The following DIAPH3 variants were observed in gnomAD, a reference collection of about 807,000 sequenced individuals.
DIAPH3 encodes the protein diaphanous related formin 3, also known as protein diaphanous homolog 3.
In DIAPH3, 117 loss-of-function variants were observed where a neutral mutation model predicts 144.3. That is an observed-to-expected ratio of 0.81 (90% CI 0.70 to 0.95). The LOEUF (loss-of-function observed/expected upper bound fraction) is 0.95. DIAPH3 is among the 40% of genes least tolerant of loss of function. The pLI is 0.00. For missense variants in DIAPH3, 1,421 were observed against 1,412.7 expected (o/e 1.01, Z -0.09); for synonymous variants, 519 against 488.9 (o/e 1.06, Z -0.81).
intron 20 of DIAPH3, among the ~76,000 whole-genome samples, chr13:59,884,445 T>A (rs1375775720): frequency 6.6e-6 from 1 of 152,146 alleles, no homozygotes; most frequent in Non-Finnish European, 1.5e-5. Context: ...CATGAAACCA[T>A]TCACTGGTGC....
At chr13:60,102,429 T>A (rs1382289980) in intron 3 of DIAPH3, among the ~76,000 whole-genome samples, 33 of 151,878 alleles carry the variant, frequency 2.2e-4, no homozygotes. Context: ...TGGTCACTTT[T>A]TAAATATTTG....
intron 20 of DIAPH3, among the ~76,000 whole-genome samples, chr13:59,905,195 T>C (rs1211501143): frequency 6.6e-6 from 1 of 151,432 alleles, no homozygotes; most frequent in East Asian, 2.0e-4. Context: ...ACAAAAAAAT[T>C]AGCCGGGCGT....
At chr13:59,838,328 GA>G (rs1226307337) in intron 23 of DIAPH3, 1 of 152,020 alleles carries the variant, frequency 6.6e-6, no homozygotes, top group Non-Finnish European at 1.5e-5. Flanking sequence ...CAAAGTTAGT[GA>G]TAATAAAGAT....
At chr13:59,698,830 C>T (rs1034216382) in intron 27 of DIAPH3, among the ~76,000 whole-genome samples, 1 of 152,162 alleles carries the variant, frequency 6.6e-6, no homozygotes, top group Non-Finnish European at 1.5e-5. Context: ...TGGTCCCCAA[C>T]TGCAGCTTAC....
At chr13:59,875,182 A>C (rs535128802) in intron 21 of DIAPH3, among the ~76,000 whole-genome samples, 2 of 152,316 alleles carry the variant, frequency 1.3e-5, no homozygotes, top group South Asian at 4.1e-4. Context: ...TAATTTCTAA[A>C]GATATGTTTT....
intron 17 of DIAPH3, among the ~76,000 whole-genome samples, chr13:59,966,445 A>G (rs1417928948): frequency 2.0e-5 from 3 of 152,198 alleles, no homozygotes; most frequent in Non-Finnish European, 4.4e-5. Flanking sequence ...GAGATACACT[A>G]AAGATTAAAC....
chr13:59,808,099 C>G (rs2040287058), intron 25 of DIAPH3, among the ~76,000 whole-genome samples: 1 of 151,070 alleles, frequency 6.6e-6, no homozygotes, highest in African/African-American at 2.4e-5. Flanking sequence ...GATATGAAAT[C>G]AGTGAAAGGA....
At position 60,112,046 on chromosome 13, in the gene DIAPH3, T is replaced by C; in HGVS notation, c.354A>G (p.Ser118=). The C allele has an allele frequency of 6.2e-7, 1 of 1,614,120 alleles. No homozygotes were observed. The highest frequency in any genetic ancestry group is 2.2e-5 in the East Asian group (1 of 44,862). Residue 118 remains serine (S), a synonymous_variant, in exon 3 of 28, where the codon TCA becomes TCG. Coordinates refer to ENST00000400324, the MANE Select transcript of DIAPH3 (RefSeq NM_001042517.2). ...EMMENFPKPL[S]ENELLELFEK... The stretch of plus-strand genomic sequence containing the variant: ...CAAAAAGTTCTAAGAGTTCATTCTC[T>C]GACAGTGGCTTTGGAAAGTTCTCCA...
At chr13:60,060,069 T>G (rs2056707061) in intron 4 of DIAPH3, among the ~76,000 whole-genome samples, 1 of 151,878 alleles carries the variant, frequency 6.6e-6, no homozygotes, top group African/African-American at 2.4e-5. Flanking sequence ...TCTGTCTTCC[T>G]TTTTTTTCTT....
At chr13:59,677,695 T>C (rs898721791) in intron 27 of DIAPH3, among the ~76,000 whole-genome samples, 1 of 152,172 alleles carries the variant, frequency 6.6e-6, no homozygotes, top group African/African-American at 2.4e-5. Flanking sequence ...CTATTACCTA[T>C]ACATTATGTA....
chr13:59,768,348 T>C (rs2139237680), intron 27 of DIAPH3, among the ~76,000 whole-genome samples: 1 of 152,278 alleles, frequency 6.6e-6, no homozygotes, highest in Non-Finnish European at 1.5e-5. Flanking sequence ...TTCCTTATGC[T>C]CTTTCTACTT....
chr13:60,081,030 C>T (rs2137804979), intron 4 of DIAPH3, among the ~76,000 whole-genome samples: 1 of 152,064 alleles, frequency 6.6e-6, no homozygotes, highest in East Asian at 1.9e-4. Flanking sequence ...CATCTGCAAT[C>T]AATTTAAATT....
At chr13:59,957,597 C>A (rs1286200062) in intron 17 of DIAPH3, among the ~76,000 whole-genome samples, 4 of 152,174 alleles carry the variant, frequency 2.6e-5, no homozygotes, top group African/African-American at 9.7e-5. Context: ...GAAGCTGACA[C>A]AAACTGCCGT....
chr13:59,873,677 C>CTTTTTTTTTTTT (rs57461813), intron 21 of DIAPH3, among the ~76,000 whole-genome samples: 6 of 128,912 alleles, frequency 4.7e-5, no homozygotes, highest in Non-Finnish European at 8.1e-5. Context: ...ACCACTTTTT[C>CTTTTTTTTTTTT]TTTTTTTTTT....
At chr13:59,833,448 C>A (rs1593598255) in intron 23 of DIAPH3, among the ~76,000 whole-genome samples, 177 bp from the exon 24 acceptor site, 1 of 151,658 alleles carries the variant, frequency 6.6e-6, no homozygotes, top group Non-Finnish European at 1.5e-5. Context: ...GCAACAAAAT[C>A]TTAAATTCAA....
At chr13:59,941,387 G>T (rs536986034) in intron 17 of DIAPH3, among the ~76,000 whole-genome samples, 13 of 152,230 alleles carry the variant, frequency 8.5e-5, no homozygotes, top group East Asian at 3.9e-4. Context: ...CCTCTGGAGG[G>T]TGTGCTCTCT....
intron 3 of DIAPH3, among the ~76,000 whole-genome samples, chr13:60,108,862 C>G (rs1335586651): frequency 6.6e-6 from 1 of 151,940 alleles, no homozygotes; most frequent in Non-Finnish European, 1.5e-5. Flanking sequence ...AAGAGTGAAG[C>G]AGAAATTTTG....
chr13:59,828,489 A>C (rs1167620523), intron 24 of DIAPH3, among the ~76,000 whole-genome samples: 2 of 151,850 alleles, frequency 1.3e-5, no homozygotes, highest in African/African-American at 4.8e-5. Flanking sequence ...CTGAGCAGCA[A>C]TGTACCTGAA....
At chr13:59,724,122 C>T (rs1234827843) in intron 27 of DIAPH3, among the ~76,000 whole-genome samples, 4 of 151,980 alleles carry the variant, frequency 2.6e-5, no homozygotes, top group Admixed American at 2.6e-4. Flanking sequence ...AAAATGAGTA[C>T]ATTTAGTGAA....
Sources: allele counts gnomAD v4.1 joint callset (sites outside exome capture counted in the v4.1 genomes callset), GRCh38; gene constraint gnomAD v4.1.1; transcripts MANE v1.5; gene names NCBI Gene and HGNC (gene_info 2026-07-23, HGNC 2026-07-21).